KIAA2012: variants seen among roughly 807,000 people sequenced by gnomAD.
KIAA2012 encodes the protein KIAA2012.
KIAA2012 carries 125 observed loss-of-function variants against 150.6 expected under a neutral mutation model. That is an observed-to-expected ratio of 0.83 (90% CI 0.72 to 0.96). The LOEUF (loss-of-function observed/expected upper bound fraction) is 0.96, where lower values mean the gene tolerates loss of function less well. Ranked by LOEUF, KIAA2012 falls within the 40% of genes least tolerant of loss-of-function variation. The probability of loss-of-function intolerance (pLI) is 0.00; values close to 1 mark genes in which losing one functional copy is unlikely to be tolerated. For missense variants in KIAA2012, 1,219 were observed against 1,354.9 expected (o/e 0.90, Z 1.57); for synonymous variants, 462 against 504.7 (o/e 0.92, Z 1.13).
At chr2:202,170,864 C>T (rs1691872720) in intron 15 of KIAA2012, among the ~76,000 whole-genome samples, 1 of 152,178 alleles carries the variant, frequency 6.6e-6, no homozygotes, top group Non-Finnish European at 1.5e-5. Flanking sequence ...TGTAAAGTGC[C>T]TCATTTAACT....
At chr2:202,082,288 G>A (rs1349445985) in intron 2 of KIAA2012, among the ~76,000 whole-genome samples, 3 of 152,098 alleles carry the variant, frequency 2.0e-5, no homozygotes, top group South Asian at 4.1e-4. Flanking sequence ...CCAAGAGATC[G>A]AGGCTACAGT....
chr2:202,078,225 G>A (rs2105907782), intron 2 of KIAA2012, among the ~76,000 whole-genome samples: 1 of 152,366 alleles, frequency 6.6e-6, no homozygotes, highest in East Asian at 1.9e-4. Flanking sequence ...ATCATGTAAT[G>A]ACCTGGGTCA....
chr2:202,142,631 T>C (rs968422209), intron 13 of KIAA2012, among the ~76,000 whole-genome samples: 2 of 152,216 alleles, frequency 1.3e-5, no homozygotes, highest in African/African-American at 2.4e-5. Flanking sequence ...AGGGCTGTTA[T>C]CGTCTTTGTT....
chr2:202,084,681 G>A (rs1282664511), intron 2 of KIAA2012, among the ~76,000 whole-genome samples: 1 of 152,192 alleles, frequency 6.6e-6, no homozygotes, highest in Non-Finnish European at 1.5e-5. Context: ...ATTTTAGAGT[G>A]ACTTTTGAGT....
At chr2:202,179,126 G>C (rs1015752010) in intron 15 of KIAA2012, 28 of 442,272 alleles carry the variant, frequency 6.3e-5, no homozygotes, top group African/African-American at 5.5e-4. Flanking sequence ...TGTGTTTTGA[G>C]GTTGGTTTTG....
intron 13 of KIAA2012, among the ~76,000 whole-genome samples, chr2:202,152,503 G>T (rs1559221848): frequency 6.6e-6 from 1 of 152,046 alleles, no homozygotes; most frequent in Non-Finnish European, 1.5e-5. Context: ...TCTTCTCTTG[G>T]GGATAATGGA....
At chr2:202,159,329 C>T (rs1238442853) in intron 14 of KIAA2012, among the ~76,000 whole-genome samples, 2 of 149,154 alleles carry the variant, frequency 1.3e-5, no homozygotes, top group Non-Finnish European at 3.0e-5. Context: ...GGTGCCAGGA[C>T]ACTTGAATAA....
intron 3 of KIAA2012, among the ~76,000 whole-genome samples, chr2:202,091,612 G>A (rs374781359): frequency 3.3e-5 from 5 of 152,126 alleles, no homozygotes; most frequent in African/African-American, 1.2e-4. Flanking sequence ...CCCGCAACAC[G>A]CATAAACAGT....
At chr2:202,175,635 A>G (rs1691975997) in intron 15 of KIAA2012, among the ~76,000 whole-genome samples, 1 of 152,182 alleles carries the variant, frequency 6.6e-6, no homozygotes, top group South Asian at 2.1e-4. Flanking sequence ...ACTTCCCCAG[A>G]CACTGAATGT....
At chr2:202,129,511 C>T (rs569205800) in intron 12 of KIAA2012, among the ~76,000 whole-genome samples, 135 of 152,290 alleles carry the variant, frequency 8.9e-4, no homozygotes, top group African/African-American at 3.0e-3. Flanking sequence ...TGAGCCACCA[C>T]GCCTGGCCTA....
At chr2:202,074,562 T>C (rs1689279900) in intron 1 of KIAA2012, among the ~76,000 whole-genome samples, 1 of 152,220 alleles carries the variant, frequency 6.6e-6, no homozygotes, top group Non-Finnish European at 1.5e-5. Flanking sequence ...AGTTATCTGC[T>C]GCCCTTAATA....
At chr2:202,193,228 CT>C in intron 19 of KIAA2012, 72 bp from the exon 20 acceptor site, 1 of 1,390,954 alleles carries the variant, frequency 7.2e-7, no homozygotes, top group Non-Finnish European at 9.9e-7. Flanking sequence ...ACAACACTGT[CT>C]GGGGTGGAGA....
At chr2:202,148,061 G>A (rs954241772) in intron 13 of KIAA2012, among the ~76,000 whole-genome samples, 3 of 152,168 alleles carry the variant, frequency 2.0e-5, no homozygotes, top group Admixed American at 1.3e-4. Flanking sequence ...TATCAACAAA[G>A]CACGTAATAA....
Position 202,080,019 on chromosome 2 carries a change from C to T in KIAA2012, c.369+4844C>T, listed in dbSNP as rs1029729425. 4.6e-5 allele frequency among the ~76,000 whole-genome samples: 7 copies of T among 152,156 alleles called. No individual in the cohort carries two copies. The East Asian group carries it at 7.7e-4, about 17-fold the overall frequency. The stretch of plus-strand genomic sequence containing the variant: ...TACCTCCGTTTTATAGGAAGGAAGC[C>T]TGGGGCTTGACATTAACTAATTTGC... On this transcript the variant is annotated intron_variant, in intron 2 of 23. Coordinates refer to ENST00000498697, the MANE Select transcript of KIAA2012 (RefSeq NM_001277372.4).
chr2:202,179,287 G>A (rs567428559), intron 15 of KIAA2012: 7 of 1,172,846 alleles, frequency 6.0e-6, no homozygotes, highest in South Asian at 4.9e-5. Context: ...TTGGCTCTTC[G>A]GGTAAAGATG....
chr2:202,075,252 AT>A, intron 2 of KIAA2012, 77 bp downstream of exon 2: 1 of 1,438,044 alleles, frequency 7.0e-7, no homozygotes, highest in East Asian at 2.5e-5. Context: ...TTTGGGAATA[AT>A]TTCTTGGACC....
At chr2:202,136,447 T>G (rs1691063459) in intron 12 of KIAA2012, 1 of 152,326 alleles carries the variant, frequency 6.6e-6, no homozygotes, top group African/African-American at 2.4e-5. Context: ...AGACACAGAT[T>G]GCTGATGGGC....
intron 13 of KIAA2012, among the ~76,000 whole-genome samples, chr2:202,144,076 A>C (rs1487930545): frequency 6.6e-6 from 1 of 152,256 alleles, no homozygotes; most frequent in African/African-American, 2.4e-5. Flanking sequence ...GTTTAAAATA[A>C]GAAAGAAAGC....
chr2:202,140,870 C>T (rs529553332), intron 13 of KIAA2012, among the ~76,000 whole-genome samples: 2 of 152,070 alleles, frequency 1.3e-5, no homozygotes, highest in African/African-American at 2.4e-5. Context: ...AGTTCCCCCA[C>T]TGGCTGCCCC....
Sources: allele counts gnomAD v4.1 joint callset (sites outside exome capture counted in the v4.1 genomes callset), GRCh38; gene constraint gnomAD v4.1.1; transcripts MANE v1.5; gene names NCBI Gene and HGNC (gene_info 2026-07-23, HGNC 2026-07-21).